The following ADAMTSL3 variants were observed in gnomAD, a reference collection of about 807,000 sequenced individuals.
ADAMTSL3 encodes the protein ADAMTS like 3.
In ADAMTSL3, 128 loss-of-function variants were observed where a neutral mutation model predicts 201.7. The ratio of observed to expected loss-of-function variants is 0.63; its 90% confidence interval spans 0.55 to 0.73. The LOEUF (loss-of-function observed/expected upper bound fraction) is 0.73. ADAMTSL3 is among the 30% of genes least tolerant of loss of function. The pLI is 0.00. For missense variants in ADAMTSL3, 1,990 were observed against 2,119.6 expected (o/e 0.94, Z 1.20); for synonymous variants, 738 against 748.4 (o/e 0.99, Z 0.23).
At chr15:83,782,601 C>T (rs993798291) in intron 4 of ADAMTSL3, among the ~76,000 whole-genome samples, 1 of 152,166 alleles carries the variant, frequency 6.6e-6, no homozygotes, top group Non-Finnish European at 1.5e-5. Context: ...AGGCCATTAT[C>T]TTTAGCAAAC....
At chr15:83,926,002 G>GTTTTCTTAAA (rs1375386049) in intron 17 of ADAMTSL3, among the ~76,000 whole-genome samples, 1 of 152,154 alleles carries the variant, frequency 6.6e-6, no homozygotes, top group Non-Finnish European at 1.5e-5. Flanking sequence ...TTTGTAAACT[G>GTTTTCTTAAA]TTTTCTTAAA....
At chr15:83,695,230 G>GTATTTTTTC (rs1567078289) in intron 2 of ADAMTSL3, among the ~76,000 whole-genome samples, 2 of 121,296 alleles carry the variant, frequency 1.6e-5, no homozygotes, top group Non-Finnish European at 3.7e-5. Flanking sequence ...TGTGTGTAAT[G>GTATTTTTTC]TGTGTGTGTG....
intron 14 of ADAMTSL3, among the ~76,000 whole-genome samples, chr15:83,898,517 A>G (rs2065662292): frequency 6.6e-6 from 1 of 152,206 alleles, no homozygotes; most frequent in Non-Finnish European, 1.5e-5. Flanking sequence ...GTACTAATGC[A>G]TGGAATGAAT....
At chr15:84,020,496 G>A (rs145947765) in intron 25 of ADAMTSL3, among the ~76,000 whole-genome samples, 110 of 152,290 alleles carry the variant, frequency 7.2e-4, no homozygotes, top group African/African-American at 2.6e-3. Flanking sequence ...AACTAAAAAT[G>A]TATTTTACAT....
intron 27 of ADAMTSL3, among the ~76,000 whole-genome samples, chr15:84,028,994 G>A (rs1256417365): frequency 6.6e-6 from 1 of 152,120 alleles, no homozygotes; most frequent in Non-Finnish European, 1.5e-5. Flanking sequence ...AGTTTCCTGA[G>A]GCCTCCTCAG....
At chr15:83,946,451 C>G (rs933304090) in intron 19 of ADAMTSL3, among the ~76,000 whole-genome samples, 3 of 152,220 alleles carry the variant, frequency 2.0e-5, no homozygotes, top group African/African-American at 4.8e-5. Flanking sequence ...TTTTAAATCA[C>G]AGTGACCCTA....
intron 3 of ADAMTSL3, among the ~76,000 whole-genome samples, chr15:83,760,896 T>G (rs1231655379): frequency 6.6e-6 from 1 of 152,158 alleles, no homozygotes; most frequent in Non-Finnish European, 1.5e-5. Context: ...TATAACTGAA[T>G]TTTTAAATTT....
chr15:83,962,986 C>T lies in ADAMTSL3; in HGVS notation c.2491-7498C>T, dbSNP rs1451501497. Among the ~76,000 whole-genome samples, 4 of 152,184 alleles carry T rather than the reference C, an allele frequency of 2.6e-5. 1 individual carries two copies. Among genetic ancestry groups the T allele is most frequent in the South Asian group, 4.1e-4 (2 of 4,828 alleles). ...CTGTGAGGAATGGTGCAATCTAGCC[C>T]AGGTACTACACTTTTCCCATGGTCT... On this transcript the variant is annotated intron_variant, in intron 19 of 29. Transcript: ENST00000286744.
intron 20 of ADAMTSL3, among the ~76,000 whole-genome samples, chr15:83,982,027 C>G (rs1292919330): frequency 2.0e-5 from 3 of 152,204 alleles, no homozygotes; most frequent in Non-Finnish European, 4.4e-5. Context: ...TATCAAATCA[C>G]TTACACATTT....
chr15:83,758,125 C>T (rs183452922), intron 3 of ADAMTSL3, among the ~76,000 whole-genome samples: 34 of 152,314 alleles, frequency 2.2e-4, no homozygotes, highest in Admixed American at 1.6e-3. Context: ...TTTCAGGTAT[C>T]TTTACAGCAG....
chr15:83,884,297 A>G (rs1398750162), intron 9 of ADAMTSL3, among the ~76,000 whole-genome samples: 2 of 151,036 alleles, frequency 1.3e-5, no homozygotes, highest in East Asian at 3.9e-4. Flanking sequence ...GGCTAGATGG[A>G]ACTAATTAAC....
chr15:83,683,346 C>G (rs1280131710), intron 2 of ADAMTSL3, among the ~76,000 whole-genome samples: 1 of 152,174 alleles, frequency 6.6e-6, no homozygotes. Flanking sequence ...TTCCTCCCTG[C>G]TCCTCTATTG....
intron 7 of ADAMTSL3, among the ~76,000 whole-genome samples, chr15:83,843,657 A>ACCT (rs2064431197): frequency 6.6e-6 from 1 of 152,076 alleles, no homozygotes; most frequent in Non-Finnish European, 1.5e-5. Context: ...CTACATCCAC[A>ACCT]CCTTGCCAAG....
chr15:83,714,230 C>A (rs1365409919), intron 3 of ADAMTSL3, among the ~76,000 whole-genome samples: 3 of 152,132 alleles, frequency 2.0e-5, no homozygotes, highest in African/African-American at 4.8e-5. Context: ...CACTCTTGGG[C>A]TGGAGTTCTT....
chr15:83,775,944 T>C (rs987175141), intron 4 of ADAMTSL3, among the ~76,000 whole-genome samples: 1 of 152,194 alleles, frequency 6.6e-6, no homozygotes, highest in Admixed American at 6.5e-5. Flanking sequence ...CTGGCACTCA[T>C]GCACGTGCCC....
chr15:83,698,031 T>C (rs746178030), intron 2 of ADAMTSL3, among the ~76,000 whole-genome samples: 2 of 151,928 alleles, frequency 1.3e-5, no homozygotes, highest in Admixed American at 1.3e-4. Flanking sequence ...ACTCAGGAAA[T>C]CACAAAGCCT....
intron 2 of ADAMTSL3, among the ~76,000 whole-genome samples, chr15:83,672,670 A>G (rs558416332): frequency 1.3e-5 from 2 of 152,352 alleles, no homozygotes; most frequent in East Asian, 3.9e-4. Context: ...AACACCCTTT[A>G]CTGTTCAACC....
At chr15:83,819,263 CAAA>C (rs397932701) in intron 5 of ADAMTSL3, among the ~76,000 whole-genome samples, 3 of 76,488 alleles carry the variant, frequency 3.9e-5, no homozygotes, top group Non-Finnish European at 7.4e-5. Flanking sequence ...CACTCCGTCT[CAAA>C]AAAAAAAAAA....
chr15:83,673,973 G>A (rs551832461), intron 2 of ADAMTSL3, among the ~76,000 whole-genome samples: 102 of 151,208 alleles, frequency 6.7e-4, no homozygotes, highest in Non-Finnish European at 1.2e-3. Flanking sequence ...AATATGAAAT[G>A]TGTGGTTTGT....
Sources: allele counts gnomAD v4.1 joint callset (sites outside exome capture counted in the v4.1 genomes callset), GRCh38; gene constraint gnomAD v4.1.1; transcripts MANE v1.5; gene names NCBI Gene and HGNC (gene_info 2026-07-23, HGNC 2026-07-21).